ADAM12: variants seen among roughly 807,000 people sequenced by gnomAD.
The protein encoded by ADAM12 is ADAM metallopeptidase domain 12, also known as disintegrin and metalloproteinase domain-containing protein 12.
Under a neutral mutation model 106.4 loss-of-function variants are expected in ADAM12, and 70 were observed. The observed-to-expected ratio is 0.66, with a 90% CI of 0.54 to 0.80. The LOEUF is 0.80. ADAM12 is among the 30% of genes least tolerant of loss of function. The pLI is 0.00. For synonymous variants in ADAM12, 420 were observed against 433.5 expected, an observed-to-expected ratio of 0.97 and a Z score of 0.39; for missense variants, 1,010 against 1,171.9, an observed-to-expected ratio of 0.86 and a Z score of 2.02.
intron 3 of ADAM12, among the ~76,000 whole-genome samples, chr10:126,207,822 G>A (rs1174974456): frequency 2.6e-5 from 4 of 151,914 alleles, no homozygotes; most frequent in Non-Finnish European, 5.9e-5. Flanking sequence ...TCATCTCTCA[G>A]GAATTAGAGA....
chr10:126,149,606 G>T (rs146403964), intron 4 of ADAM12, among the ~76,000 whole-genome samples: 1 of 152,188 alleles, frequency 6.6e-6, no homozygotes, highest in Non-Finnish European at 1.5e-5. Context: ...AGCTGCCAGC[G>T]CGGCTAGAAT....
At chr10:126,135,344 C>T in intron 5 of ADAM12, 1 of 487,100 alleles carries the variant, frequency 2.1e-6, no homozygotes, top group Non-Finnish European at 3.6e-6. Flanking sequence ...CGCTTTTACC[C>T]CACCAGGCCT....
intron 5 of ADAM12, 53 bp downstream of exon 5, chr10:126,135,531 T>G (rs1565085664): frequency 6.5e-7 from 1 of 1,540,858 alleles, no homozygotes; most frequent in East Asian, 2.2e-5. Flanking sequence ...AAGACAGAGG[T>G]TGCCTGCAGT....
intron 11 of ADAM12, among the ~76,000 whole-genome samples, chr10:126,086,179 T>C (rs1955336774): frequency 6.6e-6 from 1 of 152,114 alleles, no homozygotes; most frequent in Admixed American, 6.5e-5. Flanking sequence ...TGGGGCTACC[T>C]CCCACCTCCC....
intron 13 of ADAM12, 36 bp from the exon 14 acceptor site, chr10:126,065,037 G>T: frequency 6.4e-7 from 1 of 1,571,300 alleles, no homozygotes; most frequent in Non-Finnish European, 8.6e-7. Context: ...ACATGCACCC[G>T]GGGAAAGGGA....
At chr10:126,116,862 T>G (rs1244297492) in intron 6 of ADAM12, among the ~76,000 whole-genome samples, 1 of 152,162 alleles carries the variant, frequency 6.6e-6, no homozygotes, top group Non-Finnish European at 1.5e-5. Context: ...AGGTATCATT[T>G]GGGATAACCC....
intron 1 of ADAM12, among the ~76,000 whole-genome samples, chr10:126,341,173 C>G (rs1483215935): frequency 6.6e-6 from 1 of 152,158 alleles, no homozygotes; most frequent in Non-Finnish European, 1.5e-5. Context: ...TGCTTCCCGG[C>G]CCGTCATCCT....
At chr10:126,177,786 T>G (rs1462210142) in intron 3 of ADAM12, among the ~76,000 whole-genome samples, 1 of 152,196 alleles carries the variant, frequency 6.6e-6, no homozygotes, top group Non-Finnish European at 1.5e-5. Context: ...CCTGCTTTCT[T>G]ACATTGCAAC....
In ADAM12 at chr10:126,053,201, C is replaced by T. The variant is rs906631782; in HGVS notation, c.1610-3532G>A. Among the ~76,000 whole-genome samples, 3 of 152,154 alleles carry T rather than the reference C, an allele frequency of 2.0e-5. No homozygotes were observed. The highest frequency in any genetic ancestry group is 7.2e-5 in the African/African-American group (3 of 41,436). ...GATTGGAAGCTTTCTGAGGCCTCCC[C>T]AGAAGCAGAAGCTACTCTGCTTCCT... is the stretch of plus-strand genomic sequence containing the variant. On this transcript the variant is annotated intron_variant, in intron 14 of 22. Transcript: ENST00000448723. The surrounding 1 kb of genome is among the most constrained non-coding windows in gnomAD (Gnocchi z 4.6).
chr10:126,046,313 T>G (rs1350500604), intron 16 of ADAM12, among the ~76,000 whole-genome samples, 181 bp from the exon 17 acceptor site: 1 of 152,220 alleles, frequency 6.6e-6, no homozygotes, highest in Non-Finnish European at 1.5e-5. Context: ...GCATGGATCT[T>G]ATTGCCTGAC....
rs1263402976 is a variant in ADAM12, at chr10:126,043,241, C to T, written c.1996-93G>A. 2.6e-6 allele frequency: 3 copies of T among 1,170,396 alleles called. No individual in the cohort carries two copies. The highest frequency in any genetic ancestry group is 3.0e-5 in the African/African-American group (2 of 65,870). The allele number at this position is 1,170,396 out of a possible 1,614,324, so 72.5% of individuals were successfully genotyped here. ...AGGGGGGCCATGGTCAGAGCCCCCC[C>T]CCAACACTGACACAGCCAGACTCAG... On this transcript the variant is annotated intron_variant, in intron 17 of 22. Coordinates refer to ENST00000448723, the MANE Select transcript of ADAM12 (RefSeq NM_001288973.2). The surrounding 1 kb of genome is among the most constrained non-coding windows in gnomAD (Gnocchi z 4.1).
chr10:126,026,897 A>G (rs1352173928), intron 21 of ADAM12, among the ~76,000 whole-genome samples: 4 of 152,226 alleles, frequency 2.6e-5, no homozygotes. Context: ...CAAAGCTAGC[A>G]AAAGACAAGA....
intron 3 of ADAM12, among the ~76,000 whole-genome samples, chr10:126,157,660 C>T (rs936816730): frequency 9.2e-5 from 14 of 152,358 alleles, no homozygotes; most frequent in African/African-American, 2.9e-4. Flanking sequence ...GGCAAAGGCA[C>T]GTGGGCCTCC....
chr10:126,075,100 C>T (rs1247288883), intron 11 of ADAM12, among the ~76,000 whole-genome samples: 1 of 152,150 alleles, frequency 6.6e-6, no homozygotes, highest in Non-Finnish European at 1.5e-5. Context: ...ACTGGGTCAG[C>T]CAATATCGCT....
At chr10:126,095,477 T>C (rs537732136) in intron 10 of ADAM12, among the ~76,000 whole-genome samples, 1,354 of 130,676 alleles carry the variant, frequency 0.01, 29 homozygotes, top group African/African-American at 0.038. Flanking sequence ...GAGCTTGCAG[T>C]GAGCCAAGAT....
At chr10:126,210,219 C>T (rs184191554) in intron 3 of ADAM12, among the ~76,000 whole-genome samples, 17 of 152,316 alleles carry the variant, frequency 1.1e-4, no homozygotes, top group African/African-American at 2.9e-4. Context: ...AGAAATAGCA[C>T]GTGACAAAGC....
At chr10:126,376,266 T>A (rs1729032327) in intron 1 of ADAM12, among the ~76,000 whole-genome samples, 2 of 151,758 alleles carry the variant, frequency 1.3e-5, no homozygotes, top group Admixed American at 1.3e-4. Context: ...TAAAAAAAAA[T>A]TGAGCAAGAT....
chr10:126,348,155 A>G (rs1269672383), intron 1 of ADAM12, among the ~76,000 whole-genome samples: 2 of 152,234 alleles, frequency 1.3e-5, no homozygotes, highest in African/African-American at 2.4e-5. Flanking sequence ...AGAGAAAAAG[A>G]AACCTCTTCT....
chr10:126,298,893 A>G lies in ADAM12; in HGVS notation c.187-19905T>C, dbSNP rs1183647196. 2.0e-5 allele frequency among the ~76,000 whole-genome samples: 3 copies of G among 152,246 alleles called. No homozygotes were observed. The East Asian group carries it at 5.8e-4, about 29-fold the overall frequency. On this transcript the variant is annotated intron_variant, in intron 2 of 22. Coordinates refer to ENST00000448723, the MANE Select transcript of ADAM12 (RefSeq NM_001288973.2). ...TTCTGTATGATTAAAATTGAAAATG[A>G]AATATCCTTTAAAAAATGAAATATT...
Sources: allele counts gnomAD v4.1 joint callset (sites outside exome capture counted in the v4.1 genomes callset), GRCh38; gene constraint gnomAD v4.1.1; non-coding constraint Gnocchi (gnomAD v3.1); transcripts MANE v1.5; gene names NCBI Gene and HGNC (gene_info 2026-07-23, HGNC 2026-07-21).